TEX11: variants seen among roughly 807,000 people sequenced by gnomAD.
TEX11 encodes the protein testis-expressed protein 11.
Under a neutral mutation model 84.4 loss-of-function variants are expected in TEX11, and 7 were observed. The observed-to-expected ratio is 0.08, with a 90% CI of 0.05 to 0.16. The LOEUF is 0.16. Ranked by LOEUF, TEX11 falls within the 10% of genes least tolerant of loss-of-function variation. The pLI is 1.00. For synonymous variants in TEX11, 264 were observed against 222.8 expected (o/e 1.18, Z -1.64); for missense variants, 551 against 660.5 (o/e 0.83, Z 1.82).
chrX:70,581,895 G>A (rs1340279567), intron 25 of TEX11, among the ~76,000 whole-genome samples: 1 of 111,727 alleles, frequency 9.0e-6, no homozygotes, highest in Non-Finnish European at 1.9e-5. Context: ...CTGTTTTAAA[G>A]GGAAAAGTAG....
chrX:70,711,907 G>A (rs2052510369), intron 13 of TEX11, among the ~76,000 whole-genome samples: 1 of 111,604 alleles, frequency 9.0e-6, no homozygotes, highest in African/African-American at 3.3e-5. Context: ...TTCTTCTAGG[G>A]TTTTTATGGT....
intron 9 of TEX11, among the ~76,000 whole-genome samples, chrX:70,778,313 C>T (rs2091014573): frequency 8.9e-6 from 1 of 111,810 alleles, no homozygotes; most frequent in Admixed American, 9.5e-5. Flanking sequence ...CAGTACCCCA[C>T]TTTGAAAACA....
At chrX:70,712,552 A>G (rs1017263419) in intron 13 of TEX11, among the ~76,000 whole-genome samples, 7 of 111,477 alleles carry the variant, frequency 6.3e-5, no homozygotes, top group African/African-American at 2.0e-4. Context: ...CTTTGAAGCA[A>G]CTGTGAATGG....
At position 70,756,124 on chromosome X, in the gene TEX11, G is replaced by A. The variant is rs759315180; in HGVS notation, c.693-11905C>T. Among the ~76,000 whole-genome samples, 32 of 112,544 alleles carry A rather than the reference G, an allele frequency of 2.8e-4. 1 individual carries two copies. The South Asian group carries it at 0.012, about 41-fold the overall frequency. On this transcript the variant is annotated intron_variant, in intron 9 of 29. Transcript: ENST00000374333. ...AGAGGCCAGGAAGCTCGAACTGGGC[G>A]GAGCCCACTGCAGCTCAGCAAGGCC...
intron 13 of TEX11, among the ~76,000 whole-genome samples, chrX:70,697,604 C>T (rs1053004712): frequency 2.3e-4 from 26 of 111,974 alleles, no homozygotes; most frequent in Non-Finnish European, 1.9e-5. Context: ...TGATCTTGTC[C>T]AGGAATACTA....
intron 8 of TEX11, among the ~76,000 whole-genome samples, chrX:70,815,549 TTATTC>T (rs1377605127): frequency 8.9e-6 from 1 of 111,924 alleles, no homozygotes; most frequent in Admixed American, 9.5e-5. Flanking sequence ...ATTGTTATAA[TTATTC>T]TATTTTATTA....
At chrX:70,595,678 A>G (rs1297913708) in intron 24 of TEX11, among the ~76,000 whole-genome samples, 1 of 111,676 alleles carries the variant, frequency 9.0e-6, no homozygotes, top group Admixed American at 9.6e-5. Context: ...ATATTAGAAA[A>G]CATTCACTTA....
intron 9 of TEX11, among the ~76,000 whole-genome samples, chrX:70,771,303 G>A (rs1248975554): frequency 8.9e-6 from 1 of 112,125 alleles, no homozygotes; most frequent in African/African-American, 3.2e-5. Context: ...AGTCAAAGAA[G>A]TAATGTCATT....
At chrX:70,889,390 C>T (rs2091726070) in intron 2 of TEX11, among the ~76,000 whole-genome samples, 2 of 109,491 alleles carry the variant, frequency 1.8e-5, no homozygotes, top group Non-Finnish European at 3.8e-5. Flanking sequence ...GCACTCCAGC[C>T]TGGGAGACAA....
intron 28 of TEX11, among the ~76,000 whole-genome samples, chrX:70,539,039 T>TATATATATATATA (rs1555978760): frequency 0.012 from 197 of 16,587 alleles, no homozygotes; most frequent in Admixed American, 0.022. Flanking sequence ...TATATATATA[T>TATATATATATATA]TTTTTTTTTT....
At chrX:70,535,219 C>T (rs2087940629) in intron 28 of TEX11, among the ~76,000 whole-genome samples, 1 of 112,125 alleles carries the variant, frequency 8.9e-6, no homozygotes, top group African/African-American at 3.2e-5. Context: ...CATTCATTGG[C>T]TAACAGACAT....
chrX:70,588,374 A>G (rs2088881809), intron 25 of TEX11, among the ~76,000 whole-genome samples: 2 of 111,320 alleles, frequency 1.8e-5, no homozygotes, highest in Admixed American at 1.9e-4. Flanking sequence ...CACAAGGGCA[A>G]TTTCCCTCTT....
chrX:70,622,542 G>A (rs957864731), intron 20 of TEX11, among the ~76,000 whole-genome samples: 15 of 111,537 alleles, frequency 1.3e-4, no homozygotes, highest in Admixed American at 7.6e-4. Flanking sequence ...TAAATCGAAT[G>A]GCAATTATGT....
chrX:70,852,670 A>G (rs1273507636), intron 7 of TEX11, among the ~76,000 whole-genome samples: 1 of 112,301 alleles, frequency 8.9e-6, no homozygotes, highest in Non-Finnish European at 1.9e-5. Flanking sequence ...ACAACTCAGA[A>G]CAACTGCAAA....
rs150966867 is a variant in TEX11 at position 70,697,281 on chromosome X, A to G, written c.1005-14456T>C. 2.7e-5 allele frequency among the ~76,000 whole-genome samples: 3 copies of G among 111,980 alleles called. No individual in the cohort carries two copies. In the East Asian group the frequency reaches 8.4e-4, roughly 31 times the overall value. Reference sequence around the variant, plus strand: ...CAGAATCAATTTTGCCATGTAAGGTAACATACTCACAGCCCCAGAGATTAG... The same window carrying G: ...CAGAATCAATTTTGCCATGTAAGGTGACATACTCACAGCCCCAGAGATTAG... On this transcript the variant is annotated intron_variant, in intron 13 of 29. Transcript: ENST00000374333.
chrX:70,720,424 G>A (rs1054015425), intron 13 of TEX11, among the ~76,000 whole-genome samples: 1 of 110,154 alleles, frequency 9.1e-6, no homozygotes, highest in Non-Finnish European at 1.9e-5. Flanking sequence ...ATGTAAATGA[G>A]GAGTTAATGG....
rs146088865 is a variant in TEX11 at position 70,689,332 on chromosome X, G to A, written c.1005-6507C>T. On this transcript the variant is annotated intron_variant, in intron 13 of 29. Transcript: ENST00000374333. Reference sequence around the variant, plus strand: ...TACACACATATATTTTCTTTGCTCCGTCAACTAATAAGGCCTAGAAGAAAT... The same window carrying A: ...TACACACATATATTTTCTTTGCTCCATCAACTAATAAGGCCTAGAAGAAAT... Among the ~76,000 whole-genome samples the A allele has an allele frequency of 4.0e-3, 441 of 110,643 alleles. 2 individuals are homozygous for A. Among genetic ancestry groups the A allele is most frequent in the African/African-American group, 0.014 (428 of 30,455 alleles).
chrX:70,808,107 C>CAAAA lies in TEX11; in HGVS notation c.607-1321_607-1318dup, dbSNP rs549201546. On this transcript the variant is annotated intron_variant, in intron 8 of 29. Coordinates refer to ENST00000374333, the MANE Select transcript of TEX11 (RefSeq NM_031276.3). ...TGGATGACAGAGTGAGACTCTGTCT[C>CAAAA]AAAAAAAAAAAAAAAAAAAAAAAAA... 1.9e-3 allele frequency among the ~76,000 whole-genome samples: 63 copies of CAAAA among 32,612 alleles called. 3 individuals are homozygous for CAAAA. Among genetic ancestry groups the CAAAA allele is most frequent in the Middle Eastern group, 0.033 (1 of 30 alleles). 28.3% of individuals were successfully genotyped at this position (32,612 alleles called of 115,157 possible). A position where few individuals can be genotyped will look rare whatever the true frequency, so the allele number is the denominator to read the frequency against.
At chrX:70,691,269 A>C (rs771650566) in intron 13 of TEX11, among the ~76,000 whole-genome samples, 1 of 111,931 alleles carries the variant, frequency 8.9e-6, no homozygotes, top group Non-Finnish European at 1.9e-5. Flanking sequence ...TCTCAAAAAA[A>C]ATTAAAAATA....
Sources: gnomAD v4.1 joint callset for allele counts (sites outside exome capture counted in the v4.1 genomes callset) on GRCh38, gnomAD v4.1.1 for gene constraint, MANE v1.5 for transcripts, NCBI Gene and HGNC (gene_info 2026-07-23, HGNC 2026-07-21) for gene names.